NBAS: variants seen among roughly 807,000 people sequenced by gnomAD.
The protein encoded by NBAS is NAG/BC035112 fusion.
Under a neutral mutation model 302.5 loss-of-function variants are expected in NBAS, and 219 were observed. That is an observed-to-expected ratio of 0.72 (90% CI 0.65 to 0.81). The LOEUF (loss-of-function observed/expected upper bound fraction) is 0.81. Ranked by LOEUF, NBAS falls within the 30% of genes least tolerant of loss-of-function variation. The pLI, the probability that NBAS is intolerant of heterozygous loss-of-function variation, is 0.00. For synonymous variants in NBAS, 1,118 were observed against 1,021.6 expected, an observed-to-expected ratio of 1.09 and a Z score of -1.80; for missense variants, 2,932 against 2,841.6, an observed-to-expected ratio of 1.03 and a Z score of -0.72.
the NBAS span, among the ~76,000 whole-genome samples, chr2:15,042,890 G>T: frequency 6.6e-6 from 1 of 152,172 alleles, no homozygotes; most frequent in African/African-American, 2.4e-5. Context: ...TTCAGACTTC[G>T]GTCTGATGCA....
At chr2:15,306,763 C>CTT (rs201533077) in intron 40 of NBAS, among the ~76,000 whole-genome samples, 11 of 132,542 alleles carry the variant, frequency 8.3e-5, no homozygotes, top group South Asian at 2.5e-4. Flanking sequence ...TTGTGGAAAT[C>CTT]TTTTTTTTTT....
chr2:14,872,353 A>G, the NBAS span, among the ~76,000 whole-genome samples: 1 of 152,200 alleles, frequency 6.6e-6, no homozygotes, highest in Admixed American at 6.5e-5. Context: ...CTGCCAGCCA[A>G]CTAGATCTAA....
chr2:14,981,792 C>T, the NBAS span, among the ~76,000 whole-genome samples: 1 of 152,190 alleles, frequency 6.6e-6, no homozygotes, highest in Non-Finnish European at 1.5e-5. Flanking sequence ...GAAGGAGAGA[C>T]AAGAGAAATG....
chr2:14,890,325 A>G, the NBAS span, among the ~76,000 whole-genome samples: 1 of 152,230 alleles, frequency 6.6e-6, no homozygotes, highest in African/African-American at 2.4e-5. Context: ...AGAAATTTCC[A>G]TATCTTCTAC....
the NBAS span, among the ~76,000 whole-genome samples, chr2:15,004,276 A>G: frequency 3.3e-5 from 5 of 152,178 alleles, no homozygotes; most frequent in Admixed American, 1.3e-4. Flanking sequence ...TGATATCTAG[A>G]CCTACAAATC....
chr2:14,896,635 G>A, the NBAS span, among the ~76,000 whole-genome samples: 1 of 151,910 alleles, frequency 6.6e-6, no homozygotes, highest in Non-Finnish European at 1.5e-5. Context: ...GCAAAACCAG[G>A]AGCACTGACT....
At chr2:15,474,972 A>AAT (rs1462011022) in intron 14 of NBAS, among the ~76,000 whole-genome samples, 1 of 152,216 alleles carries the variant, frequency 6.6e-6, no homozygotes, top group Non-Finnish European at 1.5e-5. Context: ...ATGAACATAA[A>AAT]GGTACTTACA....
At chr2:14,795,887 T>G in the NBAS span, among the ~76,000 whole-genome samples, 75,672 of 151,802 alleles carry the variant, frequency 0.5, 20,570 homozygotes, top group African/African-American at 0.74. Context: ...GCCCCTGATA[T>G]TGAACCACTG....
intron 35 of NBAS, among the ~76,000 whole-genome samples, chr2:15,344,425 T>C (rs1235860590): frequency 6.6e-6 from 1 of 152,186 alleles, no homozygotes; most frequent in Admixed American, 6.5e-5. Flanking sequence ...GATAATTTCC[T>C]GGACACATAC....
intron 48 of NBAS, among the ~76,000 whole-genome samples, chr2:15,199,536 A>G (rs1228005857): frequency 6.6e-6 from 1 of 152,166 alleles, no homozygotes; most frequent in East Asian, 1.9e-4. Flanking sequence ...ATTACTATAG[A>G]ATATATTTTA....
At chr2:15,472,026 G>T (rs1416930682) in intron 16 of NBAS, among the ~76,000 whole-genome samples, 1 of 152,214 alleles carries the variant, frequency 6.6e-6, no homozygotes, top group Non-Finnish European at 1.5e-5. Flanking sequence ...GTAACAGGAA[G>T]TATCCAGTTT....
the NBAS span, among the ~76,000 whole-genome samples, chr2:14,978,613 A>G: frequency 6.6e-6 from 1 of 152,242 alleles, no homozygotes; most frequent in Non-Finnish European, 1.5e-5. Context: ...ATTGAATGAC[A>G]TAATCAGGTC....
At chr2:15,442,349 C>T (rs1678470075) in intron 21 of NBAS, among the ~76,000 whole-genome samples, 1 of 150,240 alleles carries the variant, frequency 6.7e-6, no homozygotes, top group South Asian at 2.1e-4. Flanking sequence ...TTAAGAAACT[C>T]ACTCAAAACC....
At chr2:15,423,121 G>A (rs1677291425) in intron 23 of NBAS, among the ~76,000 whole-genome samples, 1 of 152,106 alleles carries the variant, frequency 6.6e-6, no homozygotes. Flanking sequence ...GTCTGGCTCT[G>A]CCACTGTGTG....
chr2:15,073,732 G>C, the NBAS span, among the ~76,000 whole-genome samples: 1 of 151,966 alleles, frequency 6.6e-6, no homozygotes, highest in African/African-American at 2.4e-5. Flanking sequence ...GTCTTCCTTT[G>C]TGACTTACTC....
chr2:14,788,338 A>T, the NBAS span, among the ~76,000 whole-genome samples: 1 of 152,140 alleles, frequency 6.6e-6, no homozygotes, highest in African/African-American at 2.4e-5. Context: ...GTCATTCTCC[A>T]TCCAGCTTTG....
At chr2:15,284,174 A>C (rs1669943018) in intron 42 of NBAS, among the ~76,000 whole-genome samples, 1 of 152,154 alleles carries the variant, frequency 6.6e-6, no homozygotes, top group Non-Finnish European at 1.5e-5. Context: ...AAAAAAAAAA[A>C]AGAGTCCAGC....
At chr2:15,492,327 G>C (rs1460591105) in intron 11 of NBAS, among the ~76,000 whole-genome samples, 2 of 152,140 alleles carry the variant, frequency 1.3e-5, no homozygotes, top group African/African-American at 4.8e-5. Flanking sequence ...TTCATGCATA[G>C]TAAGATGATA....
chr2:14,996,689 C>G, the NBAS span, among the ~76,000 whole-genome samples: 309 of 152,314 alleles, frequency 2.0e-3, 2 homozygotes, highest in African/African-American at 7.2e-3. Context: ...AAGAAGCAGT[C>G]TGCTGGGGAT....
Sources: allele counts gnomAD v4.1 joint callset (sites outside exome capture counted in the v4.1 genomes callset), GRCh38; gene constraint gnomAD v4.1.1; transcripts MANE v1.5; gene names NCBI Gene and HGNC (gene_info 2026-07-23, HGNC 2026-07-21).